Variants in LRMDA observed in about 807,000 individuals in gnomAD.
LRMDA encodes leucine-rich melanocyte differentiation-associated protein.
LRMDA carries 18 observed loss-of-function variants against 29.8 expected under a neutral mutation model. That is an observed-to-expected ratio of 0.60 (90% CI 0.42 to 0.90). The LOEUF is 0.90. Ranked by LOEUF, LRMDA falls within the 40% of genes least tolerant of loss-of-function variation. The pLI is 0.00. For missense variants in LRMDA, 273 were observed against 273.9 expected (o/e 1.00, Z 0.02); for synonymous variants, 125 against 109.4 (o/e 1.14, Z -0.89).
intron 2 of LRMDA, among the ~76,000 whole-genome samples, chr10:75,817,963 A>G (rs1844089461): frequency 6.6e-6 from 1 of 152,148 alleles, no homozygotes; most frequent in South Asian, 2.1e-4. Flanking sequence ...TTCTCTGCCC[A>G]TTTTACCATC....
chr10:76,382,974 A>G (rs1039552548), intron 6 of LRMDA, among the ~76,000 whole-genome samples: 1 of 152,236 alleles, frequency 6.6e-6, no homozygotes, highest in African/African-American at 2.4e-5. Flanking sequence ...AGTTCAGCAC[A>G]GAGAAAGGAC....
intron 2 of LRMDA, among the ~76,000 whole-genome samples, chr10:75,471,041 T>C (rs1368421616): frequency 1.3e-5 from 2 of 152,198 alleles, no homozygotes; most frequent in Non-Finnish European, 2.9e-5. Flanking sequence ...GCTTCTGGGC[T>C]CTCTGCCTTG....
intron 2 of LRMDA, among the ~76,000 whole-genome samples, chr10:75,587,856 T>G (rs1367437769): frequency 6.6e-6 from 1 of 152,226 alleles, no homozygotes; most frequent in African/African-American, 2.4e-5. Context: ...CATGACTGAC[T>G]GGTTCCAGTG....
intron 5 of LRMDA, among the ~76,000 whole-genome samples, chr10:76,200,464 T>A (rs979326841): frequency 2.6e-5 from 4 of 152,166 alleles, no homozygotes; most frequent in Non-Finnish European, 4.4e-5. Flanking sequence ...TGTCTTAAAA[T>A]TCTGATGCCA....
intron 2 of LRMDA, among the ~76,000 whole-genome samples, chr10:75,472,229 C>G (rs182261762): frequency 6.6e-6 from 1 of 152,148 alleles, no homozygotes; most frequent in African/African-American, 2.4e-5. Flanking sequence ...GAAACTCCAC[C>G]CTTTTCAACT....
intron 2 of LRMDA, among the ~76,000 whole-genome samples, chr10:76,014,481 C>T (rs1048733150): frequency 6.6e-6 from 1 of 152,108 alleles, no homozygotes; most frequent in Non-Finnish European, 1.5e-5. Context: ...TTTCTAGGAA[C>T]TCCAGCTTAA....
intron 2 of LRMDA, among the ~76,000 whole-genome samples, chr10:75,929,539 T>G (rs1324227966): frequency 2.0e-5 from 3 of 152,186 alleles, no homozygotes; most frequent in Non-Finnish European, 4.4e-5. Context: ...GGCTAACAGT[T>G]TGCAGAGTAG....
intron 2 of LRMDA, among the ~76,000 whole-genome samples, chr10:75,619,486 G>A (rs1179967848): frequency 6.6e-6 from 1 of 152,138 alleles, no homozygotes; most frequent in Non-Finnish European, 1.5e-5. Context: ...GTAGTTCATT[G>A]CTATGTTAGA....
chr10:76,156,788 G>A (rs1200601067), intron 5 of LRMDA, among the ~76,000 whole-genome samples: 3 of 152,190 alleles, frequency 2.0e-5, no homozygotes, highest in Non-Finnish European at 2.9e-5. Flanking sequence ...GTGGCTATTG[G>A]AATGATGGGA....
At chr10:75,645,976 T>C (rs1841515129) in intron 2 of LRMDA, among the ~76,000 whole-genome samples, 1 of 152,056 alleles carries the variant, frequency 6.6e-6, no homozygotes, top group African/African-American at 2.4e-5. Flanking sequence ...TTTTTTTTCC[T>C]GCTCCTTTCC....
At chr10:75,646,995 T>C (rs1841530061) in intron 2 of LRMDA, among the ~76,000 whole-genome samples, 1 of 152,104 alleles carries the variant, frequency 6.6e-6, no homozygotes, top group Non-Finnish European at 1.5e-5. Flanking sequence ...GAGGTGCAGA[T>C]TGATAAATTA....
chr10:76,097,172 G>A (rs1322799792), intron 5 of LRMDA, among the ~76,000 whole-genome samples: 1 of 151,898 alleles, frequency 6.6e-6, no homozygotes, highest in East Asian at 1.9e-4. Flanking sequence ...CACCATGCCT[G>A]GCTTATTTTT....
intron 5 of LRMDA, among the ~76,000 whole-genome samples, chr10:76,311,786 G>T (rs760245374): frequency 5.3e-5 from 8 of 152,212 alleles, no homozygotes; most frequent in Non-Finnish European, 1.2e-4. Flanking sequence ...CTCTTAAATT[G>T]TCTCAAGTTC....
At chr10:75,892,293 A>G (rs1405323412) in intron 2 of LRMDA, among the ~76,000 whole-genome samples, 2 of 152,178 alleles carry the variant, frequency 1.3e-5, no homozygotes, top group African/African-American at 4.8e-5. Context: ...AGTGCACACT[A>G]GGGAAACCTG....
chr10:76,317,287 G>A (rs770206114), intron 5 of LRMDA, among the ~76,000 whole-genome samples: 7 of 152,116 alleles, frequency 4.6e-5, no homozygotes, highest in Non-Finnish European at 8.8e-5. Flanking sequence ...ATAACCATTA[G>A]CGTTTACCAT....
chr10:76,366,561 G>A (rs1477530294), intron 6 of LRMDA, among the ~76,000 whole-genome samples: 1 of 152,142 alleles, frequency 6.6e-6, no homozygotes, highest in African/African-American at 2.4e-5. Context: ...CTTGCTTGCT[G>A]TTGGTGTATA....
intron 2 of LRMDA, among the ~76,000 whole-genome samples, chr10:75,479,020 C>G (rs979167511): frequency 2.6e-5 from 4 of 152,214 alleles, no homozygotes; most frequent in African/African-American, 9.6e-5. Flanking sequence ...TCTTGGCTTC[C>G]TTGCCTTCAG....
At chr10:75,635,605 G>A (rs1841381678) in intron 2 of LRMDA, among the ~76,000 whole-genome samples, 1 of 152,116 alleles carries the variant, frequency 6.6e-6, no homozygotes, top group Non-Finnish European at 1.5e-5. Flanking sequence ...TGGGCCCAAA[G>A]TGGAATGTTT....
chr10:75,726,193 A>G lies in LRMDA; in HGVS notation c.131+287699A>G, dbSNP rs79037096. Among the ~76,000 whole-genome samples, 566 of 152,360 alleles carry G rather than the reference A, an allele frequency of 3.7e-3. 3 individuals carry two copies. The highest frequency in any genetic ancestry group is 0.013 in the African/African-American group (525 of 41,592). ...AGGGCCCTGTTAACTGGGGAGACAC[A>G]TTAAGCATGGAATGCCATTACAGTG... is the stretch of plus-strand genomic sequence containing the variant. On this transcript the variant is annotated intron_variant, in intron 2 of 6. Coordinates refer to ENST00000611255, the MANE Select transcript of LRMDA (RefSeq NM_001305581.2).
Sources: allele counts gnomAD v4.1 joint callset (sites outside exome capture counted in the v4.1 genomes callset), GRCh38; gene constraint gnomAD v4.1.1; transcripts MANE v1.5; gene names NCBI Gene and HGNC (gene_info 2026-07-23, HGNC 2026-07-21).